ZNF423: variants seen among roughly 807,000 people sequenced by gnomAD.
ZNF423 encodes Ebf-associated zinc finger protein.
A neutral mutation model predicts 95.8 loss-of-function variants in ZNF423; 12 were observed. That is an observed-to-expected ratio of 0.13 (90% CI 0.08 to 0.20). ZNF423 has a LOEUF of 0.20. ZNF423 is among the 10% of genes least tolerant of loss of function. ZNF423 has a pLI of 1.00. For missense variants in ZNF423, 1,316 were observed against 1,737.1 expected (o/e 0.76, Z 4.31); for synonymous variants, 749 against 711.9 (o/e 1.05, Z -0.83).
chr16:49,683,304 T>A (rs1255045856), intron 3 of ZNF423, among the ~76,000 whole-genome samples: 2 of 152,188 alleles, frequency 1.3e-5, no homozygotes, highest in African/African-American at 2.4e-5. Context: ...CCTGGAAGTG[T>A]AAAATCACTA....
intron 5 of ZNF423, among the ~76,000 whole-genome samples, chr16:49,528,949 CG>C (rs1567446205): frequency 1.3e-5 from 2 of 151,638 alleles, no homozygotes; most frequent in African/African-American, 4.8e-5. Context: ...CAGGGTCCGC[CG>C]ATAGTGGCAC....
At chr16:49,696,912 G>T (rs1211685932) in intron 3 of ZNF423, among the ~76,000 whole-genome samples, 1 of 152,216 alleles carries the variant, frequency 6.6e-6, no homozygotes, top group African/African-American at 2.4e-5. Context: ...TTCAGGAGGG[G>T]GGCTGGCTTT....
intron 3 of ZNF423, among the ~76,000 whole-genome samples, chr16:49,684,961 G>A (rs11640910): frequency 0.027 from 4,052 of 152,338 alleles, 63 homozygotes; most frequent in Non-Finnish European, 0.042. Flanking sequence ...CAGAAAGGCA[G>A]GGGCACGCGA....
intron 5 of ZNF423, among the ~76,000 whole-genome samples, chr16:49,621,522 G>A (rs1174040449): frequency 6.6e-6 from 1 of 152,114 alleles, no homozygotes; most frequent in East Asian, 1.9e-4. Flanking sequence ...CGCCCCGCAG[G>A]GGAGCTCTCC....
At chr16:49,620,876 G>T (rs972986174) in intron 5 of ZNF423, among the ~76,000 whole-genome samples, 1 of 152,242 alleles carries the variant, frequency 6.6e-6, no homozygotes, top group Non-Finnish European at 1.5e-5. Flanking sequence ...GCCCCCCAGG[G>T]TGAGGTGCCA....
intron 3 of ZNF423, among the ~76,000 whole-genome samples, chr16:49,667,464 A>T (rs942654605): frequency 6.6e-6 from 1 of 152,272 alleles, no homozygotes; most frequent in Non-Finnish European, 1.5e-5. Context: ...ACCAACTGGG[A>T]TGGAGGGAAG....
At chr16:49,726,281 T>C (rs988189770) in intron 3 of ZNF423, among the ~76,000 whole-genome samples, 1 of 151,994 alleles carries the variant, frequency 6.6e-6, no homozygotes, top group African/African-American at 2.4e-5. Flanking sequence ...AATTGCAGTA[T>C]CTCTAAAAGG....
chr16:49,511,190 G>A (rs959272168), intron 7 of ZNF423, among the ~76,000 whole-genome samples: 1 of 152,224 alleles, frequency 6.6e-6, no homozygotes, highest in African/African-American at 2.4e-5. Context: ...GCGCCTCTGT[G>A]GTGACCAGGG....
chr16:49,608,424 A>C (rs56975969), intron 5 of ZNF423, among the ~76,000 whole-genome samples: 3,468 of 152,320 alleles, frequency 0.023, 131 homozygotes, highest in African/African-American at 0.079. Flanking sequence ...AACAATGTTT[A>C]TGGAGGTTCT....
chr16:49,748,537 A>C (rs1000239792), intron 2 of ZNF423, among the ~76,000 whole-genome samples: 3 of 152,072 alleles, frequency 2.0e-5, no homozygotes, highest in Admixed American at 6.5e-5. Flanking sequence ...GAACGGAAAA[A>C]ATTACTCCAA....
chr16:49,527,521 G>T (rs1968662240), intron 5 of ZNF423, among the ~76,000 whole-genome samples: 1 of 152,154 alleles, frequency 6.6e-6, no homozygotes, highest in Non-Finnish European at 1.5e-5. Flanking sequence ...CTGGCACAGG[G>T]TGTAGGATCA....
chr16:49,542,981 G>T lies in ZNF423; in HGVS notation c.3602-17487C>A, dbSNP rs148972500. Among the ~76,000 whole-genome samples, 606 of 152,170 alleles carry T rather than the reference G, an allele frequency of 4.0e-3. 1 individual carries two copies. Among genetic ancestry groups the T allele is most frequent in the Non-Finnish European group, 6.8e-3 (465 of 68,002 alleles). On this transcript the variant is annotated intron_variant, in intron 5 of 7. Coordinates refer to ENST00000563137, the MANE Select transcript of ZNF423 (RefSeq NM_001379286.1). ...GGAAATGTTCTTCATCTGAGGCTGG[G>T]GTCTGTTACCCCTTCCCAGCCTACC... is the stretch of plus-strand genomic sequence containing the variant.
chr16:49,814,528 G>C (rs1597033895), intron 1 of ZNF423, among the ~76,000 whole-genome samples: 1 of 151,938 alleles, frequency 6.6e-6, no homozygotes, highest in East Asian at 2.0e-4. Flanking sequence ...AGCAGGACAG[G>C]CATGGGCTGT....
At chr16:49,815,299 C>T (rs145878114) in intron 1 of ZNF423, among the ~76,000 whole-genome samples, 34 of 152,286 alleles carry the variant, frequency 2.2e-4, no homozygotes, top group African/African-American at 7.9e-4. Flanking sequence ...AAGCAGCCCC[C>T]TAAGCAGCAG....
intron 5 of ZNF423, among the ~76,000 whole-genome samples, chr16:49,536,937 G>A (rs1176515581): frequency 6.6e-6 from 1 of 152,178 alleles, no homozygotes; most frequent in Non-Finnish European, 1.5e-5. Flanking sequence ...CTACAACAGC[G>A]TTGGGCACAT....
At chr16:49,585,322 C>T (rs1222552705) in intron 5 of ZNF423, among the ~76,000 whole-genome samples, 1 of 152,122 alleles carries the variant, frequency 6.6e-6, no homozygotes, top group Non-Finnish European at 1.5e-5. Context: ...GCCTCTCAGC[C>T]CCCTGAGGAG....
intron 3 of ZNF423, among the ~76,000 whole-genome samples, chr16:49,658,512 C>T (rs188969243): frequency 9.7e-4 from 148 of 152,356 alleles, no homozygotes; most frequent in African/African-American, 3.5e-3. Flanking sequence ...GAGTAATTGT[C>T]GTCGTGGACT....
At chr16:49,794,118 G>A (rs1426393488) in intron 1 of ZNF423, among the ~76,000 whole-genome samples, 1 of 151,942 alleles carries the variant, frequency 6.6e-6, no homozygotes, top group Non-Finnish European at 1.5e-5. Context: ...CTCACTGCAG[G>A]CACAACCTCC....
intron 2 of ZNF423, among the ~76,000 whole-genome samples, chr16:49,768,371 C>T (rs1294900731): frequency 6.6e-6 from 1 of 152,204 alleles, no homozygotes; most frequent in Non-Finnish European, 1.5e-5. Flanking sequence ...ATCCGGCTCC[C>T]GCAAAGCATG....
Sources: gnomAD v4.1 joint callset for allele counts (sites outside exome capture counted in the v4.1 genomes callset) on GRCh38, gnomAD v4.1.1 for gene constraint, MANE v1.5 for transcripts, NCBI Gene and HGNC (gene_info 2026-07-23, HGNC 2026-07-21) for gene names.